The following MYL10 variants were observed in gnomAD, a reference collection of about 807,000 sequenced individuals.
MYL10 encodes myosin light chain 10, also known as myosin regulatory light chain 10.
Under a neutral mutation model 21.9 loss-of-function variants are expected in MYL10, and 18 were observed. That is an observed-to-expected ratio of 0.82 (90% CI 0.57 to 1.22). The LOEUF is 1.22. Ranked by LOEUF, MYL10 falls within the 50% of genes most tolerant of loss-of-function variation. MYL10 has a pLI of 0.00. For synonymous variants in MYL10, 88 were observed against 82.8 expected (o/e 1.06, Z -0.34); for missense variants, 225 against 230.4 (o/e 0.98, Z 0.15).
chr7:101,623,022 G>T lies in MYL10; in HGVS notation c.324C>A (p.Asp108Glu), dbSNP rs1260694575. The change falls in exon 4 of 8, where the codon GAC (aspartate) becomes GAA (glutamate). Residue 108 changes from aspartate (D) to glutamate (E), a missense_variant. Transcript: ENST00000223167. ...QNRDGFIDKEDLRDTFAALGR... is the reference protein window; with the variant it reads ...QNRDGFIDKEELRDTFAALGR... ...CCAGCGCGGCAAAGGTGTCCCTCAAGTCCTCTTTGTCGATGAAGCCATCAC... is the reference window on the plus strand; with the variant it reads ...CCAGCGCGGCAAAGGTGTCCCTCAATTCCTCTTTGTCGATGAAGCCATCAC... The T allele has an allele frequency of 6.2e-7, 1 of 1,614,068 alleles. No homozygotes were observed. The highest frequency in any genetic ancestry group is 1.7e-5 in the Admixed American group (1 of 60,012).
At chr7:101,628,161 A>C (rs1460503070) in intron 1 of MYL10, among the ~76,000 whole-genome samples, 1 of 152,176 alleles carries the variant, frequency 6.6e-6, no homozygotes, top group Non-Finnish European at 1.5e-5. Context: ...AGGACAAATA[A>C]AAGAAAAATG....
intron 1 of MYL10, among the ~76,000 whole-genome samples, chr7:101,627,022 T>G (rs1040352591): frequency 4.6e-5 from 7 of 151,954 alleles, no homozygotes; most frequent in African/African-American, 1.7e-4. Flanking sequence ...CCGGGCGCTG[T>G]GGCTCACGCC....
intron 5 of MYL10, among the ~76,000 whole-genome samples, chr7:101,620,570 T>G (rs192185632): frequency 4.5e-4 from 68 of 152,284 alleles, no homozygotes; most frequent in African/African-American, 1.5e-3. Context: ...AGAAAACTAT[T>G]ATAAGCCCAT....
chr7:101,615,135 C>A (rs977619704), intron 6 of MYL10, among the ~76,000 whole-genome samples: 2 of 152,146 alleles, frequency 1.3e-5, no homozygotes, highest in Non-Finnish European at 2.9e-5. Context: ...CTGCCTGCAG[C>A]CACTTCCCCT....
At chr7:101,627,326 T>TCAGGGGCAAGGG (rs1796757613) in intron 1 of MYL10, among the ~76,000 whole-genome samples, 1 of 109,110 alleles carries the variant, frequency 9.2e-6, no homozygotes, top group Admixed American at 1.0e-4. Flanking sequence ...CGGAGTGAGG[T>TCAGGGGCAAGGG]CAGGGGCAGG....
intron 1 of MYL10, among the ~76,000 whole-genome samples, chr7:101,628,449 T>C (rs1796771375): frequency 6.6e-6 from 1 of 152,030 alleles, no homozygotes; most frequent in East Asian, 1.9e-4. Context: ...GAGTGAGATA[T>C]TGTCTCTTAA....
Position 101,622,030 on chromosome 7 carries a change from G to C in MYL10, c.454+66C>G, listed in dbSNP as rs887865056. On this transcript the variant is annotated intron_variant, in intron 5 of 7. Coordinates refer to ENST00000223167, the MANE Select transcript of MYL10 (RefSeq NM_138403.5). ...TGGTGTGTATGTGTGTCAGGCCCCT[G>C]CCTTCCTACATCCGTCCCCCTGCCA... 21 of 1,282,272 alleles carry C rather than the reference G, an allele frequency of 1.6e-5. No homozygotes were observed. The Admixed American group carries it at 3.7e-4, about 23-fold the overall frequency. 79.4% of individuals were successfully genotyped at this position (1,282,272 alleles called of 1,614,324 possible).
rs1209370198 is a variant in MYL10 at position 101,629,069 on chromosome 7, G to A, written c.50C>T (p.Pro17Leu). The A allele has an allele frequency of 4.6e-6, 2 of 432,170 alleles. No individual in the cohort carries two copies. The highest frequency in any genetic ancestry group is 1.5e-4 in the East Asian group (2 of 13,222). 26.8% of individuals were successfully genotyped at this position (432,170 alleles called of 1,614,324 possible). The change falls in exon 1 of 8, where the codon CCT becomes CTT. Residue 17 changes from proline (P) to leucine (L), a missense_variant. Physicochemically the swap from Pro to Leu is moderately conservative, Grantham distance 98 (BLOSUM62 -3). Coordinates refer to ENST00000223167, the MANE Select transcript of MYL10 (RefSeq NM_138403.5). ...SNSWPQVILP[P>L]RPPKVLGLQA... Reference sequence around the variant, plus strand: ...TAATCCCAGCACTTTGGGAGGCCGAGGAGGGAGGATCACTTGAGGCCAGGA... The same window carrying A: ...TAATCCCAGCACTTTGGGAGGCCGAAGAGGGAGGATCACTTGAGGCCAGGA...
At chr7:101,618,454 C>T (rs554260549) in intron 5 of MYL10, among the ~76,000 whole-genome samples, 57 of 152,312 alleles carry the variant, frequency 3.7e-4, no homozygotes, top group Non-Finnish European at 7.6e-4. Flanking sequence ...GGTTTGTGGC[C>T]GGCTCCAGCC....
chr7:101,617,461 A>G (rs879333505), intron 5 of MYL10, among the ~76,000 whole-genome samples: 1 of 152,208 alleles, frequency 6.6e-6, no homozygotes, highest in Non-Finnish European at 1.5e-5. Context: ...CTGATAAGAG[A>G]AGGGAGGATT....
chr7:101,616,814 G>A (rs1454251108), intron 5 of MYL10, among the ~76,000 whole-genome samples: 1 of 152,220 alleles, frequency 6.6e-6, no homozygotes, highest in African/African-American at 2.4e-5. Flanking sequence ...TGTGGCATTG[G>A]AGGGGTCTGA....
chr7:101,618,500 C>T (rs1311660611), intron 5 of MYL10, among the ~76,000 whole-genome samples: 1 of 152,224 alleles, frequency 6.6e-6, no homozygotes, highest in Non-Finnish European at 1.5e-5. Flanking sequence ...GATTTAGGCA[C>T]CCAGCGCAGC....
At chr7:101,625,240 A>C (rs1796730026) in intron 1 of MYL10, among the ~76,000 whole-genome samples, 1 of 152,164 alleles carries the variant, frequency 6.6e-6, no homozygotes, top group African/African-American at 2.4e-5. Context: ...GGTGTCTGGA[A>C]GTCCACCATT....
chr7:101,616,212 A>C lies in MYL10; in HGVS notation c.533+8T>G. The stretch of plus-strand genomic sequence containing the variant: ...CTGAGCATTTTGGGGGAGTCAGGGG[A>C]AACTTACACATCGGCCTTGACGAAA... On this transcript the variant is annotated splice_region_variant and intron_variant, in intron 6 of 7. Transcript: ENST00000223167. 1 of 1,613,786 alleles carries C rather than the reference A, an allele frequency of 6.2e-7. No individual in the cohort carries two copies. Among genetic ancestry groups the C allele is most frequent in the Non-Finnish European group, 8.5e-7 (1 of 1,179,698 alleles).
At chr7:101,615,640 C>A (rs1375849050) in intron 6 of MYL10, among the ~76,000 whole-genome samples, 25 of 148,054 alleles carry the variant, frequency 1.7e-4, no homozygotes. Flanking sequence ...CAAGATCTGC[C>A]TTTGCCCCCA....
In MYL10 at chr7:101,624,155, T is replaced by G; in HGVS notation, c.171+17A>C. 2 of 1,535,064 alleles carry G rather than the reference T, an allele frequency of 1.3e-6. No individual in the cohort carries two copies. The highest frequency in any genetic ancestry group is 1.4e-5 in the African/African-American group (1 of 73,074). On this transcript the variant is annotated intron_variant, in intron 2 of 7. Coordinates refer to ENST00000223167, the MANE Select transcript of MYL10 (RefSeq NM_138403.5). Reference sequence around the variant, plus strand: ...TCCAAGAATCCTCATAACAGCCCCATGGGGCAGCAGACCAACCTCTTTAAA... The same window carrying G: ...TCCAAGAATCCTCATAACAGCCCCAGGGGGCAGCAGACCAACCTCTTTAAA...
chr7:101,614,077 T>C lies in MYL10; in HGVS notation c.534-367A>G, dbSNP rs918565038. Reference sequence around the variant, plus strand: ...TTTGCCTGATTCTGGACACACTCTTTCCTCCAGCTTGTGACGTTCACTGAC... The same window carrying C: ...TTTGCCTGATTCTGGACACACTCTTCCCTCCAGCTTGTGACGTTCACTGAC... On this transcript the variant is annotated intron_variant, in intron 6 of 7. Coordinates refer to ENST00000223167, the MANE Select transcript of MYL10 (RefSeq NM_138403.5). Among the ~76,000 whole-genome samples the C allele has an allele frequency of 2.6e-5, 4 of 152,178 alleles. No individual in the cohort carries two copies. The East Asian group carries it at 7.7e-4, about 29-fold the overall frequency.
intron 4 of MYL10, 35 bp from the exon 5 acceptor site, chr7:101,622,235 A>C: frequency 1.3e-6 from 2 of 1,518,956 alleles, no homozygotes; most frequent in Non-Finnish European, 1.8e-6. Flanking sequence ...AGGGAGGATA[A>C]GAGAGATCAG....
chr7:101,629,026 C>T lies in MYL10; in HGVS notation c.78+15G>A, dbSNP rs913305572. The T allele has an allele frequency of 8.9e-6, 4 of 451,170 alleles. No individual in the cohort carries two copies. In the Admixed American group the frequency reaches 9.5e-5, roughly 11 times the overall value. 27.9% of individuals were successfully genotyped at this position (451,170 alleles called of 1,614,324 possible). On this transcript the variant is annotated intron_variant, in intron 1 of 7. Coordinates refer to ENST00000223167, the MANE Select transcript of MYL10 (RefSeq NM_138403.5). ...ATAAGAAGTGGGGCCAGAGGCCAGG[C>T]ACAGTGGCTCATACCTGTAATCCCA...
Sources: gnomAD v4.1 joint callset for allele counts (sites outside exome capture counted in the v4.1 genomes callset) on GRCh38, gnomAD v4.1.1 for gene constraint, MANE v1.5 for transcripts, NCBI Gene and HGNC (gene_info 2026-07-23, HGNC 2026-07-21) for gene names.